The following KHK variants were observed in gnomAD, a reference collection of about 807,000 sequenced individuals.
The protein encoded by KHK is fructokinase.
A neutral mutation model predicts 36.0 loss-of-function variants in KHK; 37 were observed. The observed-to-expected ratio is 1.03, with a 90% CI of 0.79 to 1.35. KHK has a LOEUF of 1.35. KHK is among the 40% of genes most tolerant of loss of function. The probability of loss-of-function intolerance (pLI) is 0.00; values close to 1 mark genes in which losing one functional copy is unlikely to be tolerated. For synonymous variants in KHK, 161 were observed against 162.8 expected (o/e 0.99, Z 0.08); for missense variants, 395 against 391.9 (o/e 1.01, Z -0.07).
At position 27,096,720 on chromosome 2, in the gene KHK, G is replaced by A; in HGVS notation, c.345-9G>A. On this transcript the variant is annotated splice_polypyrimidine_tract_variant and intron_variant, in intron 3 of 7. Coordinates refer to ENST00000260598, the MANE Select transcript of KHK (RefSeq NM_006488.3). The stretch of plus-strand genomic sequence containing the variant: ...CCTTCTTCTCTGTCTTTTCCATCCT[G>A]TGACCTAGGAGCCTGCCAGATGTGT... The A allele has an allele frequency of 1.2e-6, 2 of 1,613,062 alleles. No homozygotes were observed. Among genetic ancestry groups the A allele is most frequent in the South Asian group, 1.1e-5 (1 of 91,054 alleles).
chr2:27,095,674 G>A (rs912671456), intron 3 of KHK, among the ~76,000 whole-genome samples: 3 of 152,214 alleles, frequency 2.0e-5, no homozygotes, highest in African/African-American at 7.2e-5. Flanking sequence ...CCTAGTACGT[G>A]CCAGGTACTG....
intron 1 of KHK, among the ~76,000 whole-genome samples, chr2:27,090,379 T>C (rs1308297229): frequency 6.6e-6 from 1 of 152,228 alleles, no homozygotes; most frequent in Non-Finnish European, 1.5e-5. Context: ...CTCCTTTTTT[T>C]TCATATCTTT....
Position 27,094,243 on chromosome 2 carries a change from C to T in KHK, c.210-557C>T. The T allele has an allele frequency of 5.1e-6, 3 of 588,708 alleles. No homozygotes were observed. In the South Asian group the frequency reaches 5.6e-5, roughly 11 times the overall value. The allele number at this position is 588,708 out of a possible 1,614,324, so 36.5% of individuals were successfully genotyped here. A position where few individuals can be genotyped will look rare whatever the true frequency, so the allele number is the denominator to read the frequency against. ...GAGTCAGGATCGGAGCATGCTTCAG[C>T]CAAGACCTAAAAGGATGGCCCTTAG... On this transcript the variant is annotated intron_variant, in intron 2 of 7. Transcript: ENST00000260598.
intron 1 of KHK, 81 bp downstream of exon 1, chr2:27,087,432 C>A: frequency 8.7e-7 from 1 of 1,144,392 alleles, no homozygotes. Flanking sequence ...GCTGCAGAGA[C>A]CCCGCAGTGA....
chr2:27,093,769 C>T (rs1670150133), intron 2 of KHK, among the ~76,000 whole-genome samples: 2 of 152,226 alleles, frequency 1.3e-5, no homozygotes, highest in Admixed American at 1.3e-4. Flanking sequence ...GGCTGACCTC[C>T]TTGTCCTTGC....
chr2:27,092,418 T>C lies in KHK; in HGVS notation c.179T>C (p.Met60Thr). 2 of 1,613,376 alleles carry C rather than the reference T, an allele frequency of 1.2e-6. No homozygotes were observed. The highest frequency in any genetic ancestry group is 1.7e-6 in the Non-Finnish European group (2 of 1,179,850). ...LSLLGAPCAFMGSMAPGHVAD... is the reference protein window; with the variant it reads ...LSLLGAPCAFTGSMAPGHVAD... ...CTGCTCGGAGCCCCCTGTGCCTTCA[T>C]GGGCTCAATGGCTCCTGGCCATGTT... Residue 60 changes from methionine to threonine, a missense_variant, in exon 2 of 8, where the codon ATG becomes ACG. Physicochemically the swap from Met to Thr is moderately conservative, Grantham distance 81 (BLOSUM62 -1). Transcript: ENST00000260598.
At chr2:27,095,481 G>A (rs530345570) in intron 3 of KHK, among the ~76,000 whole-genome samples, 1 of 152,324 alleles carries the variant, frequency 6.6e-6, no homozygotes, top group South Asian at 2.1e-4. Flanking sequence ...CATTGCTGAA[G>A]GAGGGGAAAG....
Position 27,094,905 on chromosome 2 carries a change from T to A in KHK, c.315T>A (p.Asn105Lys), listed in dbSNP as rs780202698. 6.2e-7 allele frequency: 1 copy of A among 1,613,990 alleles called. No individual in the cohort carries two copies. The highest frequency in any genetic ancestry group is 2.2e-5 in the East Asian group (1 of 44,884). Residue 105 changes from asparagine to lysine, a missense_variant, in exon 3 of 8, where the codon AAT becomes AAA. By Grantham distance (94) the Asn-to-Lys change is moderately conservative. Transcript: ENST00000260598. ...CCTGCTGCATCATCAACAACTCCAA[T>A]GGCAACCGTACCATTGTGCTCCATG... Reference protein sequence around the residue: ...PSSCCIINNSNGNRTIVLHDT... With the variant: ...PSSCCIINNSKGNRTIVLHDT...
chr2:27,100,628 C>A lies in KHK; in HGVS notation c.*878C>A. 1 of 1,164,666 alleles carries A rather than the reference C, an allele frequency of 8.6e-7. No individual in the cohort carries two copies. Among genetic ancestry groups the A allele is most frequent in the Non-Finnish European group, 1.1e-6 (1 of 883,540 alleles). The allele number at this position is 1,164,666 out of a possible 1,614,324, so 72.1% of individuals were successfully genotyped here. Reference sequence around the variant, plus strand: ...ATCTGCCATTTAATTAGCTGCATATCACCTTAGGGTACAGCACTTAACGCA... The same window carrying A: ...ATCTGCCATTTAATTAGCTGCATATAACCTTAGGGTACAGCACTTAACGCA... On this transcript the variant is annotated 3_prime_UTR_variant, in exon 8 of 8. Transcript: ENST00000260598.
At chr2:27,091,029 C>T (rs1457643781) in intron 1 of KHK, among the ~76,000 whole-genome samples, 2 of 146,440 alleles carry the variant, frequency 1.4e-5, no homozygotes, top group Non-Finnish European at 3.0e-5. Context: ...GCACTCCAGC[C>T]TGGGTGACAG....
Position 27,087,106 on chromosome 2 carries a change from C to T in KHK, c.-154C>T, listed in dbSNP as rs1443463668. On this transcript the variant is annotated 5_prime_UTR_variant, in exon 1 of 8. Transcript: ENST00000260598. Reference sequence around the variant, plus strand: ...CCCTGCTCCTTTCGTTCCCTGCACCCCTGGCCGCTGCAGGTGGCTCCCTGG... The same window carrying T: ...CCCTGCTCCTTTCGTTCCCTGCACCTCTGGCCGCTGCAGGTGGCTCCCTGG... 1.4e-5 allele frequency: 9 copies of T among 636,582 alleles called. No homozygotes were observed. Among genetic ancestry groups the T allele is most frequent in the South Asian group, 3.7e-5 (2 of 53,738 alleles). 39.4% of individuals were successfully genotyped at this position (636,582 alleles called of 1,614,324 possible). A position where few individuals can be genotyped will look rare whatever the true frequency, so the allele number is the denominator to read the frequency against.
intron 1 of KHK, 41 bp from the exon 2 acceptor site, chr2:27,092,291 C>T (rs1472824171): frequency 6.7e-7 from 1 of 1,489,492 alleles, no homozygotes; most frequent in Non-Finnish European, 9.3e-7. Flanking sequence ...TGCTTGGGAT[C>T]AGCCTGCTGG....
chr2:27,089,728 C>T (rs966609815), intron 1 of KHK, among the ~76,000 whole-genome samples: 2 of 152,216 alleles, frequency 1.3e-5, no homozygotes, highest in African/African-American at 4.8e-5. Context: ...GGAGCACATC[C>T]GAGTGGGGAC....
rs922378764 is a variant in KHK, at chr2:27,100,039, CTT to C, written c.*291_*292del. On this transcript the variant is annotated 3_prime_UTR_variant, in exon 8 of 8. Coordinates refer to ENST00000260598, the MANE Select transcript of KHK (RefSeq NM_006488.3). ...AGGCTCTGACTCTTCGATCCTCCCTCTTTGTGTCCATTCCCCAAATTAACCTC... is the reference window on the plus strand; with the variant it reads ...AGGCTCTGACTCTTCGATCCTCCCTCTGTGTCCATTCCCCAAATTAACCTC... 20 of 646,506 alleles carry C rather than the reference CTT, an allele frequency of 3.1e-5. No homozygotes were observed. Among genetic ancestry groups the C allele is most frequent in the African/African-American group, 1.6e-4 (9 of 54,840 alleles). 40.0% of individuals were successfully genotyped at this position (646,506 alleles called of 1,614,324 possible).
rs1250924506 is a variant in KHK, at chr2:27,087,401, G to C, written c.92+50G>C. ...GGACCCCAGGGGCTGCTGCAGTCCA[G>C]CATTTGTGCCAGCGACCGAGGCTGC... On this transcript the variant is annotated intron_variant, in intron 1 of 7. Transcript: ENST00000260598. The C allele has an allele frequency of 2.8e-6, 4 of 1,428,520 alleles. No individual in the cohort carries two copies. The African/African-American group carries it at 5.7e-5, about 20-fold the overall frequency. 88.5% of individuals were successfully genotyped at this position (1,428,520 alleles called of 1,614,324 possible).
In KHK at chr2:27,099,492, G is replaced by T. The variant is rs144520325; in HGVS notation, c.726G>T (p.Ser242=). ...ALGPDGKLLH[S]DAFPPPRVVD... ...GCCCTGATGGCAAATTGCTCCACTC[G>T]GATGCTTTCCCGCCACCCCGCGTGG... Residue 242 remains serine (S), a synonymous_variant, in exon 7 of 8, where the codon TCG becomes TCT. Transcript: ENST00000260598. 2 of 1,614,014 alleles carry T rather than the reference G, an allele frequency of 1.2e-6. No individual in the cohort carries two copies. The highest frequency in any genetic ancestry group is 1.3e-5 in the African/African-American group (1 of 74,920).
rs908188459 is a variant in KHK, at chr2:27,100,271, G to C, written c.*521G>C. 2.4e-5 allele frequency: 10 copies of C among 422,890 alleles called. No homozygotes were observed. Among genetic ancestry groups the C allele is most frequent in the South Asian group, 3.9e-5 (2 of 51,946 alleles). The allele number at this position is 422,890 out of a possible 1,614,324, so 26.2% of individuals were successfully genotyped here. The stretch of plus-strand genomic sequence containing the variant: ...AGAAGCTGGGAGTCCACACCGCTGA[G>C]CTGAACTGACAGGCCAGTGGGGGGC... On this transcript the variant is annotated 3_prime_UTR_variant, in exon 8 of 8. Coordinates refer to ENST00000260598, the MANE Select transcript of KHK (RefSeq NM_006488.3).
intron 5 of KHK, among the ~76,000 whole-genome samples, chr2:27,098,560 T>C (rs544349905): frequency 2.0e-5 from 3 of 151,872 alleles, no homozygotes; most frequent in Admixed American, 1.3e-4. Context: ...AGGATTGCAG[T>C]GCCTGAGCCC....
At chr2:27,092,529 G>GATAC in intron 2 of KHK, 81 bp downstream of exon 2, 3 of 1,034,122 alleles carry the variant, frequency 2.9e-6, no homozygotes, top group Non-Finnish European at 4.5e-6. Flanking sequence ...ACCCTGGGTG[G>GATAC]ATGGGGGATT....
Sources: allele counts gnomAD v4.1 joint callset (sites outside exome capture counted in the v4.1 genomes callset), GRCh38; gene constraint gnomAD v4.1.1; transcripts MANE v1.5; gene names NCBI Gene and HGNC (gene_info 2026-07-23, HGNC 2026-07-21).